Variants in IQCH observed in about 807,000 individuals in gnomAD.
IQCH encodes the protein IQ motif containing H.
In IQCH, 98 loss-of-function variants were observed where a neutral mutation model predicts 117.0. The observed-to-expected ratio is 0.84, with a 90% CI of 0.71 to 0.99. IQCH has a LOEUF of 0.99. Ranked by LOEUF, IQCH falls within the 50% of genes least tolerant of loss-of-function variation. The pLI is 0.00. For synonymous variants in IQCH, 412 were observed against 448.2 expected (o/e 0.92, Z 1.02); for missense variants, 1,102 against 1,243.8 (o/e 0.89, Z 1.72).
In IQCH at chr15:67,416,243, C is replaced by A. The variant is rs1003375042; in HGVS notation, c.2098-688C>A. Among the ~76,000 whole-genome samples the A allele has an allele frequency of 3.3e-5, 5 of 151,408 alleles. No homozygotes were observed. Among genetic ancestry groups the A allele is most frequent in the Non-Finnish European group, 7.4e-5 (5 of 67,854 alleles). On this transcript the variant is annotated intron_variant, in intron 14 of 20. Coordinates refer to ENST00000335894, the MANE Select transcript of IQCH (RefSeq NM_001031715.3). The surrounding 1 kb of genome is among the most constrained non-coding windows in gnomAD (Gnocchi z 5.1). ...ACTAAAAATACAAAATTAGGCTGGG[C>A]ACAGTGGCTCATGCCTGTAATCCCA... is the stretch of plus-strand genomic sequence containing the variant.
intron 4 of IQCH, among the ~76,000 whole-genome samples, chr15:67,302,182 T>C (rs1967078049): frequency 6.6e-6 from 1 of 152,178 alleles, no homozygotes; most frequent in Non-Finnish European, 1.5e-5. Context: ...GATGAAGCTA[T>C]TACCATCAAT....
At position 67,359,210 on chromosome 15, in the gene IQCH, C is replaced by G. The variant is rs1970033767; in HGVS notation, c.715-637C>G. On this transcript the variant is annotated intron_variant, in intron 7 of 20. Coordinates refer to ENST00000335894, the MANE Select transcript of IQCH (RefSeq NM_001031715.3). This position sits in a 1 kb window ranked among gnomAD's most constrained non-coding sequence, Gnocchi z 4.5. ...TCTACAGGTAATACAAATATTATGA[C>G]TAGGTTTTAGCCAGTAAATGGTTTA... Among the ~76,000 whole-genome samples the G allele has an allele frequency of 6.6e-6, 1 of 152,106 alleles. No homozygotes were observed. Among genetic ancestry groups the G allele is most frequent in the African/African-American group, 2.4e-5 (1 of 41,402 alleles).
intron 2 of IQCH, among the ~76,000 whole-genome samples, chr15:67,261,976 C>G (rs969285793): frequency 2.6e-5 from 4 of 152,026 alleles, no homozygotes; most frequent in African/African-American, 4.8e-5. Flanking sequence ...GTAGTCCCAG[C>G]TACTCAGGAG....
chr15:67,499,097 G>C (rs575607335), intron 20 of IQCH, among the ~76,000 whole-genome samples: 12 of 152,160 alleles, frequency 7.9e-5, no homozygotes, highest in African/African-American at 2.9e-4. Flanking sequence ...AGGAGTTTGA[G>C]ACTAGCCCAG....
Position 67,372,299 on chromosome 15 carries a change from A to C in IQCH, c.942A>C (p.Ile314=). Reference sequence around the variant, plus strand: ...AGAAGTTTCTCAGGAACTATGCTATACCAGAAGTCAAAATAAAAGGGAATA... The same window carrying C: ...AGAAGTTTCTCAGGAACTATGCTATCCCAGAAGTCAAAATAAAAGGGAATA... The part of the protein sequence containing the change: ...HVEKFLRNYA[I]PEVKIKGNNL... Residue 314 remains isoleucine (I), a synonymous_variant, in exon 9 of 21, where the codon ATA becomes ATC. Transcript: ENST00000335894. 1 of 1,614,094 alleles carries C rather than the reference A, an allele frequency of 6.2e-7. No individual in the cohort carries two copies. Among genetic ancestry groups the C allele is most frequent in the African/African-American group, 1.3e-5 (1 of 75,014 alleles).
At chr15:67,292,581 A>G (rs1453456774) in intron 4 of IQCH, among the ~76,000 whole-genome samples, 1 of 152,280 alleles carries the variant, frequency 6.6e-6, no homozygotes, top group East Asian at 1.9e-4. Context: ...AGACTAAAAC[A>G]GTATGAAAAA....
chr15:67,455,293 C>T (rs575710596), intron 16 of IQCH, among the ~76,000 whole-genome samples: 3 of 152,210 alleles, frequency 2.0e-5, no homozygotes, highest in African/African-American at 7.2e-5. Flanking sequence ...AGGAATTTCC[C>T]AAAAGTAAAC....
intron 3 of IQCH, among the ~76,000 whole-genome samples, chr15:67,272,831 G>A (rs1415031661): frequency 6.6e-6 from 1 of 152,084 alleles, no homozygotes; most frequent in African/African-American, 2.4e-5. Flanking sequence ...TTTCTTGCAG[G>A]CAGCATATAG....
rs1014609252 is a variant in IQCH, at chr15:67,475,128, A to C, written c.2677-568A>C. On this transcript the variant is annotated intron_variant, in intron 17 of 20. Transcript: ENST00000335894. The surrounding 1 kb of genome is among the most constrained non-coding windows in gnomAD (Gnocchi z 5.7). ...GTCTCAGATGGGGTCCTGAAACAGA[A>C]AAAAGGAATTAGGGAAAAACTAATG... is the stretch of plus-strand genomic sequence containing the variant. Among the ~76,000 whole-genome samples, 2 of 152,236 alleles carry C rather than the reference A, an allele frequency of 1.3e-5. No homozygotes were observed. The highest frequency in any genetic ancestry group is 1.3e-4 in the Admixed American group (2 of 15,288).
In IQCH at chr15:67,405,818, T is replaced by C. The variant is rs1433328468; in HGVS notation, c.2097+5513T>C. On this transcript the variant is annotated intron_variant, in intron 14 of 20. Coordinates refer to ENST00000335894, the MANE Select transcript of IQCH (RefSeq NM_001031715.3). This position sits in a 1 kb window ranked among gnomAD's most constrained non-coding sequence, Gnocchi z 4.8. ...GGCAAGCTTTCTGCTTTCCAGAGAT[T>C]TGTGGGAAACGCAAATATTCCTGGA... The C allele has an allele frequency of 3.3e-5, 5 of 152,232 alleles. No homozygotes were observed. Among genetic ancestry groups the C allele is most frequent in the African/African-American group, 1.2e-4 (5 of 41,462 alleles). The allele number at this position is 152,232 out of a possible 1,614,324, so 9.4% of individuals were successfully genotyped here. A position where few individuals can be genotyped will look rare whatever the true frequency, so the allele number is the denominator to read the frequency against.
In IQCH at chr15:67,421,420, TCTC is replaced by T; in HGVS notation, c.2352_2354del (p.Ser785del). The T allele has an allele frequency of 6.2e-7, 1 of 1,614,142 alleles. No individual in the cohort carries two copies. Among genetic ancestry groups the T allele is most frequent in the East Asian group, 2.2e-5 (1 of 44,872 alleles). Reference sequence around the variant, plus strand: ...CAGCTTCATGCTGAAAGCCCCTTCATCTCCTCTGGTACCACCGTGCCTCAGACC... The same window carrying T: ...CAGCTTCATGCTGAAAGCCCCTTCATCTCTGGTACCACCGTGCCTCAGACC... On this transcript the variant is annotated inframe_deletion, in exon 16 of 21. Coordinates refer to ENST00000335894, the MANE Select transcript of IQCH (RefSeq NM_001031715.3).
chr15:67,471,822 T>C (rs1011619721), intron 17 of IQCH, among the ~76,000 whole-genome samples: 1 of 152,230 alleles, frequency 6.6e-6, no homozygotes, highest in Non-Finnish European at 1.5e-5. Flanking sequence ...AGGTGATTGA[T>C]AGTTTCTTCC....
chr15:67,455,084 T>G (rs1349131588), intron 16 of IQCH, among the ~76,000 whole-genome samples: 3 of 152,224 alleles, frequency 2.0e-5, no homozygotes, highest in African/African-American at 7.2e-5. Context: ...GTTTTTTATT[T>G]CAACCATCCT....
chr15:67,301,966 CTA>C (rs1967067146), intron 4 of IQCH, among the ~76,000 whole-genome samples: 1 of 152,092 alleles, frequency 6.6e-6, no homozygotes, highest in African/African-American at 2.4e-5. Context: ...TCAGAAATAA[CTA>C]TGTGTAGTGC....
At position 67,443,233 on chromosome 15, in the gene IQCH, C is replaced by T. The variant is rs980382180; in HGVS notation, c.2505+21656C>T. ...GGTCTCGATCTCCTGAACTCGTCAT[C>T]CACCCGCCTCGGCCTCCCAAAGTGC... On this transcript the variant is annotated intron_variant, in intron 16 of 20. Coordinates refer to ENST00000335894, the MANE Select transcript of IQCH (RefSeq NM_001031715.3). The surrounding 1 kb of genome is among the most constrained non-coding windows in gnomAD (Gnocchi z 5.0). Among the ~76,000 whole-genome samples the T allele has an allele frequency of 6.6e-6, 1 of 152,172 alleles. No individual in the cohort carries two copies. Among genetic ancestry groups the T allele is most frequent in the African/African-American group, 2.4e-5 (1 of 41,438 alleles).
chr15:67,405,194 GTTA>G lies in IQCH; in HGVS notation c.2097+4895_2097+4897del, dbSNP rs1476797833. 2.6e-5 allele frequency: 4 copies of G among 151,802 alleles called. No homozygotes were observed. Among genetic ancestry groups the G allele is most frequent in the Admixed American group, 2.0e-4 (3 of 15,240 alleles). 9.4% of individuals were successfully genotyped at this position (151,802 alleles called of 1,614,324 possible). A position where few individuals can be genotyped will look rare whatever the true frequency, so the allele number is the denominator to read the frequency against. ...TTTTCTAGGTTAAGAAAAAATCTAG[GTTA>G]TTATTTTTTCCAGTCATGAAACTAC... On this transcript the variant is annotated intron_variant, in intron 14 of 20. Coordinates refer to ENST00000335894, the MANE Select transcript of IQCH (RefSeq NM_001031715.3). The surrounding 1 kb of genome is among the most constrained non-coding windows in gnomAD (Gnocchi z 4.8).
Position 67,453,255 on chromosome 15 carries a change from C to G in IQCH, c.2506-11872C>G, listed in dbSNP as rs1056937778. ...AAGTCATTCTCCATCCAGCTTTGTT[C>G]CGTTGCTGGTGAGGAGCTGCGTTCC... On this transcript the variant is annotated intron_variant, in intron 16 of 20. Transcript: ENST00000335894. This position sits in a 1 kb window ranked among gnomAD's most constrained non-coding sequence, Gnocchi z 5.8. 2.0e-5 allele frequency among the ~76,000 whole-genome samples: 3 copies of G among 152,200 alleles called. No individual in the cohort carries two copies. Among genetic ancestry groups the G allele is most frequent in the African/African-American group, 7.2e-5 (3 of 41,446 alleles).
In IQCH at chr15:67,416,550, A is replaced by G. The variant is rs1011391918; in HGVS notation, c.2098-381A>G. Among the ~76,000 whole-genome samples, 1 of 150,910 alleles carries G rather than the reference A, an allele frequency of 6.6e-6. No individual in the cohort carries two copies. Among genetic ancestry groups the G allele is most frequent in the Non-Finnish European group, 1.5e-5 (1 of 67,486 alleles). On this transcript the variant is annotated intron_variant, in intron 14 of 20. Coordinates refer to ENST00000335894, the MANE Select transcript of IQCH (RefSeq NM_001031715.3). This position sits in a 1 kb window ranked among gnomAD's most constrained non-coding sequence, Gnocchi z 5.1. ...AAAAGAAAAAACAAAAAACAAAAAC[A>G]AAAAAAACAGTTAACCCCACATTTT...
At chr15:67,345,735 T>C (rs1020998471) in intron 6 of IQCH, among the ~76,000 whole-genome samples, 7 of 152,118 alleles carry the variant, frequency 4.6e-5, no homozygotes, top group African/African-American at 1.7e-4. Context: ...GATGACTAAA[T>C]ACAATGAGAT....
Sources: allele counts gnomAD v4.1 joint callset (sites outside exome capture counted in the v4.1 genomes callset), GRCh38; gene constraint gnomAD v4.1.1; non-coding constraint Gnocchi (gnomAD v3.1); transcripts MANE v1.5; gene names NCBI Gene and HGNC (gene_info 2026-07-23, HGNC 2026-07-21).